Variants in EXOC4 observed in about 807,000 individuals in gnomAD.
The protein encoded by EXOC4 is SEC8-like 1.
Under a neutral mutation model 107.2 loss-of-function variants are expected in EXOC4, and 71 were observed. The observed-to-expected ratio is 0.66, with a 90% confidence interval of 0.55 to 0.81. The LOEUF is 0.81. Ranked by LOEUF, EXOC4 falls within the 30% of genes least tolerant of loss-of-function variation. EXOC4 has a pLI of 0.00. For synonymous variants in EXOC4, 456 were observed against 441.2 expected (o/e 1.03, Z -0.42); for missense variants, 1,108 against 1,189.6 (o/e 0.93, Z 1.01).
At chr7:133,816,891 C>T (rs576413964) in intron 10 of EXOC4, among the ~76,000 whole-genome samples, 4 of 152,160 alleles carry the variant, frequency 2.6e-5, no homozygotes, top group Non-Finnish European at 5.9e-5. Flanking sequence ...GGTCTGGTTC[C>T]TAACAGGCCA....
chr7:133,831,051 G>A (rs1338628974), intron 11 of EXOC4, among the ~76,000 whole-genome samples: 3 of 152,154 alleles, frequency 2.0e-5, no homozygotes, highest in East Asian at 3.9e-4. Flanking sequence ...TGCAACCTCC[G>A]CCTCCCGGGT....
chr7:133,422,892 A>T (rs1019538263), intron 7 of EXOC4, among the ~76,000 whole-genome samples: 1 of 152,256 alleles, frequency 6.6e-6, no homozygotes, highest in African/African-American at 2.4e-5. Context: ...AAAGAATCTC[A>T]TGTTGAAAAT....
chr7:133,997,440 A>G, intron 14 of EXOC4, 52 bp from the exon 15 acceptor site: 1 of 1,603,246 alleles, frequency 6.2e-7, no homozygotes, highest in Non-Finnish European at 8.5e-7. Flanking sequence ...TCATTTCAGA[A>G]AAATCTGTAG....
rs562803455 is a variant in EXOC4, at chr7:133,283,698, A to G, written c.277-5224A>G. Among the ~76,000 whole-genome samples, 42 of 152,288 alleles carry G rather than the reference A, an allele frequency of 2.8e-4. 2 individuals are homozygous for G. In the South Asian group the frequency reaches 5.4e-3, roughly 20 times the overall value. On this transcript the variant is annotated intron_variant, in intron 2 of 17. Coordinates refer to ENST00000253861, the MANE Select transcript of EXOC4 (RefSeq NM_021807.4). ...CAGTGCAATGAGTTTTGGCAAAGGT[A>G]TATATCACTGAATGTGTTACCATCA...
At chr7:133,772,557 T>C (rs1016379340) in intron 10 of EXOC4, among the ~76,000 whole-genome samples, 4 of 151,896 alleles carry the variant, frequency 2.6e-5, no homozygotes, top group African/African-American at 9.7e-5. Context: ...ATTTGAATAA[T>C]TCCTGCAGTA....
chr7:133,923,929 C>G (rs995912120), intron 13 of EXOC4, among the ~76,000 whole-genome samples: 6 of 152,024 alleles, frequency 3.9e-5, no homozygotes, highest in African/African-American at 1.5e-4. Flanking sequence ...TTTATTTCCT[C>G]TACCTGTTCT....
At chr7:134,049,148 C>T (rs1380703183) in intron 17 of EXOC4, among the ~76,000 whole-genome samples, 1 of 152,110 alleles carries the variant, frequency 6.6e-6, no homozygotes, top group Non-Finnish European at 1.5e-5. Flanking sequence ...TCTGAGTTTC[C>T]CACACAATAA....
At chr7:134,059,594 T>C (rs996539464) in intron 17 of EXOC4, among the ~76,000 whole-genome samples, 4 of 152,200 alleles carry the variant, frequency 2.6e-5, no homozygotes, top group Non-Finnish European at 4.4e-5. Context: ...CTTGGCAGCA[T>C]TGTCAAGTGT....
intron 10 of EXOC4, among the ~76,000 whole-genome samples, chr7:133,780,366 T>C (rs1232155054): frequency 6.6e-6 from 1 of 152,042 alleles, no homozygotes; most frequent in African/African-American, 2.4e-5. Context: ...ATATGAGGCT[T>C]TTTGTTTTGT....
At chr7:133,657,069 TCCTCTAGGA>T (rs1803317001) in intron 10 of EXOC4, among the ~76,000 whole-genome samples, 1 of 152,174 alleles carries the variant, frequency 6.6e-6, no homozygotes. Context: ...AAATGGCATT[TCCTCTAGGA>T]ATTGAGGCAT....
chr7:133,944,980 A>G (rs1333011567), intron 14 of EXOC4, among the ~76,000 whole-genome samples: 1 of 152,214 alleles, frequency 6.6e-6, no homozygotes, highest in Non-Finnish European at 1.5e-5. Context: ...TTAAACTGTA[A>G]TGTGCATTGT....
At chr7:133,617,348 C>T (rs528715756) in intron 9 of EXOC4, among the ~76,000 whole-genome samples, 4 of 152,108 alleles carry the variant, frequency 2.6e-5, no homozygotes, top group South Asian at 4.1e-4. Context: ...GAGAGGGTTG[C>T]GTGAAGACTT....
At chr7:133,800,792 T>C (rs1796923830) in intron 10 of EXOC4, among the ~76,000 whole-genome samples, 1 of 152,164 alleles carries the variant, frequency 6.6e-6, no homozygotes, top group Non-Finnish European at 1.5e-5. Flanking sequence ...CATCTTCTGT[T>C]CTCCAATAAC....
chr7:133,288,999 A>G lies in EXOC4; in HGVS notation c.354A>G (p.Gly118=). 1.2e-6 allele frequency: 2 copies of G among 1,614,182 alleles called. No individual in the cohort carries two copies. Among genetic ancestry groups the G allele is most frequent in the Non-Finnish European group, 1.7e-6 (2 of 1,180,014 alleles). Residue 118 remains glycine, a synonymous_variant, in exon 3 of 18, where the codon GGA becomes GGG. Coordinates refer to ENST00000253861, the MANE Select transcript of EXOC4 (RefSeq NM_021807.4). ...AGCTTCGGAAACTGTGGATTGAAGG[A>G]ATTGAGCATAAGCATGTCCTGAACT... ...RDELRKLWIE[G]IEHKHVLNLL...
At chr7:133,469,705 TATCAGCAACTGGATGTGAGA>T (rs1205882453) in intron 7 of EXOC4, among the ~76,000 whole-genome samples, 7 of 152,206 alleles carry the variant, frequency 4.6e-5, no homozygotes, top group Admixed American at 4.6e-4. Context: ...TCTTTGACCC[TATCAGCAACTGGATGTGAGA>T]CCTATAACAC....
the EXOC4 span, among the ~76,000 whole-genome samples, chr7:134,086,874 T>G: frequency 6.6e-6 from 1 of 152,198 alleles, no homozygotes; most frequent in Non-Finnish European, 1.5e-5. Context: ...ATGCCTCGCC[T>G]TTTTAGACCA....
intron 5 of EXOC4, among the ~76,000 whole-genome samples, chr7:133,325,204 A>G (rs1046190560): frequency 1.3e-5 from 2 of 152,132 alleles, no homozygotes; most frequent in Admixed American, 6.5e-5. Context: ...CATTTAGCCC[A>G]TTTACATTCA....
At chr7:134,058,757 AGTTC>A (rs971236356) in intron 17 of EXOC4, among the ~76,000 whole-genome samples, 1 of 151,512 alleles carries the variant, frequency 6.6e-6, no homozygotes, top group African/African-American at 2.4e-5. Context: ...CTTTTCAGTT[AGTTC>A]TTTTGCTTTT....
intron 10 of EXOC4, among the ~76,000 whole-genome samples, chr7:133,746,372 A>C (rs1273072503): frequency 6.6e-6 from 1 of 152,132 alleles, no homozygotes. Context: ...GTAGGTGAGG[A>C]AATATCCCTT....
Sources: gnomAD v4.1 joint callset for allele counts (sites outside exome capture counted in the v4.1 genomes callset) on GRCh38, gnomAD v4.1.1 for gene constraint, MANE v1.5 for transcripts, NCBI Gene and HGNC (gene_info 2026-07-23, HGNC 2026-07-21) for gene names.